The following SCYL2 variants were observed in gnomAD, a reference collection of about 807,000 sequenced individuals.
SCYL2 encodes the protein SCY1-like protein 2.
In SCYL2, 36 loss-of-function variants were observed where a neutral mutation model predicts 100.4. The observed-to-expected ratio is 0.36, with a 90% CI of 0.27 to 0.47. SCYL2 has a LOEUF of 0.47. SCYL2 is among the 20% of genes least tolerant of loss of function. SCYL2 has a pLI of 1.00. For missense variants in SCYL2, 902 were observed against 1,083.9 expected (o/e 0.83, Z 2.36); for synonymous variants, 330 against 359.2 (o/e 0.92, Z 0.92).
chr12:100,322,944 C>T (rs1217342288), intron 10 of SCYL2, among the ~76,000 whole-genome samples: 2 of 150,746 alleles, frequency 1.3e-5, no homozygotes. Flanking sequence ...CAGAGGATCC[C>T]ACAAGACTGG....
In SCYL2 at chr12:100,282,949, A is replaced by G. The variant is rs749433840; in HGVS notation, c.-22A>G. ...TATCCTTCTGTTTTTCTAGGTAACT[A>G]TAACTACCCAATATTGCAGCCATGG... On this transcript the variant is annotated 5_prime_UTR_variant, in exon 2 of 18. Coordinates refer to ENST00000360820, the MANE Select transcript of SCYL2 (RefSeq NM_017988.6). 7.6e-5 allele frequency: 116 copies of G among 1,532,806 alleles called. No individual in the cohort carries two copies. Among genetic ancestry groups the G allele is most frequent in the Non-Finnish European group, 9.7e-5 (109 of 1,128,194 alleles). The allele number at this position is 1,532,806 out of a possible 1,614,324, so 95.0% of individuals were successfully genotyped here.
intron 2 of SCYL2, among the ~76,000 whole-genome samples, chr12:100,288,548 A>C (rs1487871080): frequency 1.3e-5 from 2 of 152,186 alleles, no homozygotes; most frequent in East Asian, 3.9e-4. Flanking sequence ...TACTTAGAAC[A>C]CCTTGAGCTG....
At chr12:100,294,396 C>T (rs2096315014) in intron 3 of SCYL2, among the ~76,000 whole-genome samples, 2 of 119,746 alleles carry the variant, frequency 1.7e-5, no homozygotes, top group African/African-American at 3.2e-5. Flanking sequence ...ACCCCCCCAC[C>T]TCCCTCCCGG....
intron 8 of SCYL2, 85 bp downstream of exon 8, chr12:100,314,699 AAAT>A: frequency 7.7e-7 from 1 of 1,301,946 alleles, no homozygotes; most frequent in East Asian, 2.5e-5. Context: ...TCTTCCAAGA[AAAT>A]AATATAACTT....
At chr12:100,332,917 C>T (rs778529751) in intron 13 of SCYL2, among the ~76,000 whole-genome samples, 8 of 151,736 alleles carry the variant, frequency 5.3e-5, no homozygotes, top group South Asian at 4.2e-4. Flanking sequence ...GGTCTCTCCA[C>T]GTTGCCCAGG....
At chr12:100,295,069 G>T (rs1473250592) in intron 3 of SCYL2, among the ~76,000 whole-genome samples, 4 of 150,334 alleles carry the variant, frequency 2.7e-5, no homozygotes, top group Non-Finnish European at 5.9e-5. Flanking sequence ...GGGGTGGCGG[G>T]GCAGAGGCGC....
At chr12:100,309,867 A>G (rs1344694265) in intron 4 of SCYL2, among the ~76,000 whole-genome samples, 3 of 152,194 alleles carry the variant, frequency 2.0e-5, no homozygotes, top group South Asian at 4.1e-4. Context: ...CATAGCACCT[A>G]TATTCCCACC....
intron 4 of SCYL2, among the ~76,000 whole-genome samples, chr12:100,308,030 A>G (rs950357493): frequency 9.2e-5 from 14 of 152,184 alleles, no homozygotes; most frequent in Non-Finnish European, 1.5e-4. Context: ...ATGCTTTTAC[A>G]CTGTTGGTGG....
chr12:100,339,413 C>G lies in SCYL2; in HGVS notation c.*241C>G. 5 of 437,226 alleles carry G rather than the reference C, an allele frequency of 1.1e-5. No homozygotes were observed. In the South Asian group the frequency reaches 2.3e-4, roughly 21 times the overall value. The allele number at this position is 437,226 out of a possible 1,614,324, so 27.1% of individuals were successfully genotyped here. Reference sequence around the variant, plus strand: ...CTCTTCAGGTTTTTAAAGACCCAGCCCTTCCCAATCTCAAAGAGAAAAAGG... The same window carrying G: ...CTCTTCAGGTTTTTAAAGACCCAGCGCTTCCCAATCTCAAAGAGAAAAAGG... On this transcript the variant is annotated 3_prime_UTR_variant, in exon 18 of 18. Transcript: ENST00000360820.
At chr12:100,332,499 C>T (rs935629807) in intron 13 of SCYL2, among the ~76,000 whole-genome samples, 3 of 152,078 alleles carry the variant, frequency 2.0e-5, no homozygotes, top group Non-Finnish European at 2.9e-5. Flanking sequence ...TTTAACAATA[C>T]GGATGAATCT....
intron 1 of SCYL2, among the ~76,000 whole-genome samples, chr12:100,280,839 C>T (rs995353657): frequency 2.0e-5 from 3 of 151,998 alleles, no homozygotes; most frequent in Non-Finnish European, 4.4e-5. Context: ...TGGTCCCAAG[C>T]ATTTAGGATA....
chr12:100,271,630 C>G (rs201026090), intron 1 of SCYL2, among the ~76,000 whole-genome samples: 1 of 152,162 alleles, frequency 6.6e-6, no homozygotes, highest in East Asian at 1.9e-4. Context: ...TTTTGAAAGT[C>G]TAGTCTCTGC....
chr12:100,270,558 T>C (rs1330475877), intron 1 of SCYL2, among the ~76,000 whole-genome samples: 1 of 152,156 alleles, frequency 6.6e-6, no homozygotes, highest in Non-Finnish European at 1.5e-5. Flanking sequence ...CCTCAGATCT[T>C]ACTTATTGTT....
chr12:100,304,676 T>G (rs1566357336), intron 4 of SCYL2, among the ~76,000 whole-genome samples: 1 of 152,078 alleles, frequency 6.6e-6, no homozygotes, highest in Non-Finnish European at 1.5e-5. Flanking sequence ...GTAAACGGGC[T>G]AAATGCCCCA....
intron 1 of SCYL2, among the ~76,000 whole-genome samples, chr12:100,273,197 C>G (rs753360543): frequency 9.9e-5 from 15 of 152,194 alleles, no homozygotes; most frequent in South Asian, 2.1e-4. Flanking sequence ...TTTTTAGCCT[C>G]CTTTGCCATA....
chr12:100,332,575 A>G (rs938070592), intron 13 of SCYL2, among the ~76,000 whole-genome samples: 2 of 152,218 alleles, frequency 1.3e-5, no homozygotes, highest in African/African-American at 4.8e-5. Context: ...CATTTATATA[A>G]AGTACAATAG....
chr12:100,322,372 CAAAAAA>C (rs34959294), intron 10 of SCYL2, among the ~76,000 whole-genome samples: 3 of 61,830 alleles, frequency 4.9e-5, no homozygotes, highest in African/African-American at 5.7e-5. Flanking sequence ...GACTCCGTCT[CAAAAAA>C]AAAAAAAAAA....
chr12:100,293,782 C>T (rs2096313469), intron 3 of SCYL2, among the ~76,000 whole-genome samples: 2 of 152,248 alleles, frequency 1.3e-5, no homozygotes, highest in African/African-American at 2.4e-5. Context: ...CATCTTGCGC[C>T]GCCCTTAATC....
In SCYL2 at chr12:100,311,609, C is replaced by A. The variant is rs188587436; in HGVS notation, c.630+416C>A. 1.5e-3 allele frequency among the ~76,000 whole-genome samples: 229 copies of A among 152,188 alleles called. 1 individual carries two copies. Among genetic ancestry groups the A allele is most frequent in the African/African-American group, 5.4e-3 (224 of 41,530 alleles). ...TTTCTCTGTACTTATTTAATCCTCA[C>A]AATAACTCAGTGGGGTATAGGAATA... On this transcript the variant is annotated intron_variant, in intron 5 of 17. Coordinates refer to ENST00000360820, the MANE Select transcript of SCYL2 (RefSeq NM_017988.6).
Sources: gnomAD v4.1 joint callset for allele counts (sites outside exome capture counted in the v4.1 genomes callset) on GRCh38, gnomAD v4.1.1 for gene constraint, MANE v1.5 for transcripts, NCBI Gene and HGNC (gene_info 2026-07-23, HGNC 2026-07-21) for gene names.